Variants in ITPR2 observed in about 807,000 individuals in gnomAD.
ITPR2 encodes inositol 1,4,5-trisphosphate-gated calcium channel ITPR2.
In ITPR2, 207 loss-of-function variants were observed where a neutral mutation model predicts 317.1. The ratio of observed to expected loss-of-function variants is 0.65; its 90% CI spans 0.58 to 0.73. ITPR2 has a LOEUF of 0.73. Among genes scored for constraint, ITPR2 ranks in the 30% least tolerant of loss-of-function variants. The probability of loss-of-function intolerance (pLI) is 0.00; values close to 1 mark genes in which losing one functional copy is unlikely to be tolerated. For missense variants in ITPR2, 2,613 were observed against 3,284.0 expected (o/e 0.80, Z 4.99); for synonymous variants, 1,156 against 1,149.1 (o/e 1.01, Z -0.12).
intron 1 of ITPR2, among the ~76,000 whole-genome samples, chr12:26,800,206 C>G (rs1950531239): frequency 7.7e-6 from 1 of 130,340 alleles, no homozygotes; most frequent in South Asian, 2.7e-4. Context: ...CAGTTGTGAT[C>G]AAGAAAAAAC....
chr12:26,609,740 A>G (rs1260564496), intron 26 of ITPR2, among the ~76,000 whole-genome samples: 1 of 152,230 alleles, frequency 6.6e-6, no homozygotes, highest in Non-Finnish European at 1.5e-5. Context: ...AAATTCTCAT[A>G]GAAAAAGATA....
chr12:26,369,532 G>C (rs537024262), intron 55 of ITPR2, among the ~76,000 whole-genome samples: 1 of 152,318 alleles, frequency 6.6e-6, no homozygotes, highest in South Asian at 2.1e-4. Context: ...CTAACTTTCA[G>C]TTAAGATTTA....
chr12:26,627,047 T>G (rs1946637084), intron 23 of ITPR2, among the ~76,000 whole-genome samples: 2 of 152,264 alleles, frequency 1.3e-5, no homozygotes, highest in South Asian at 4.1e-4. Flanking sequence ...TCTTTTGTTA[T>G]GCTCCAGTGC....
chr12:26,628,423 A>G (rs1407620161), intron 22 of ITPR2, among the ~76,000 whole-genome samples: 1 of 152,242 alleles, frequency 6.6e-6, no homozygotes, highest in Non-Finnish European at 1.5e-5. Flanking sequence ...TATTCCAGCT[A>G]GAGGCATCGT....
rs943822355 is a variant in ITPR2 at position 26,657,791 on chromosome 12, T to A, written c.2108A>T (p.Glu703Val). The A allele has an allele frequency of 6.2e-7, 1 of 1,614,064 alleles. No individual in the cohort carries two copies. Among genetic ancestry groups the A allele is most frequent in the African/African-American group, 1.3e-5 (1 of 74,942 alleles). ...GTGCCTGATAGCTTTGCCATGAGGT[T>A]CCTTGTTGCTGTCAATCCAATAGAG... The part of the protein sequence containing the change: ...VWLYWIDSNK[E>V]PHGKAIRHLA... The change falls in exon 18 of 57, where the codon GAA (glutamate) becomes GTA (valine). Residue 703 changes from glutamate (E) to valine (V), a missense_variant. Physicochemically the swap from Glu to Val is moderately radical, Grantham distance 121 (BLOSUM62 -2). Around this residue, in one of 9 missense-constraint regions of ITPR2, gnomAD observed 817 missense variants for 897.6 expected, o/e 0.91. Coordinates refer to ENST00000381340, the MANE Select transcript of ITPR2 (RefSeq NM_002223.4).
intron 26 of ITPR2, among the ~76,000 whole-genome samples, chr12:26,615,322 C>A (rs1263784908): frequency 6.6e-6 from 1 of 151,896 alleles, no homozygotes; most frequent in African/African-American, 2.4e-5. Context: ...TTTGAAAAAA[C>A]TCAAATTTCA....
chr12:26,536,565 T>C (rs1052387826), intron 37 of ITPR2, among the ~76,000 whole-genome samples: 9 of 150,822 alleles, frequency 6.0e-5, no homozygotes, highest in African/African-American at 2.2e-4. Context: ...AAGGAGTAAA[T>C]GTCAGAGCAT....
At chr12:26,452,352 A>C (rs1206022852) in intron 45 of ITPR2, among the ~76,000 whole-genome samples, 2 of 144,690 alleles carry the variant, frequency 1.4e-5, no homozygotes, top group Non-Finnish European at 3.0e-5. Flanking sequence ...AGATACTCTT[A>C]ATAACAGTAC....
intron 39 of ITPR2, among the ~76,000 whole-genome samples, chr12:26,488,356 TG>T (rs35678170): frequency 6.6e-6 from 1 of 152,138 alleles, no homozygotes; most frequent in Non-Finnish European, 1.5e-5. Flanking sequence ...ACAGCCAGTT[TG>T]GGGGAGTTTG....
intron 52 of ITPR2, among the ~76,000 whole-genome samples, chr12:26,405,306 G>A (rs1012227319): frequency 3.9e-5 from 6 of 152,146 alleles, no homozygotes; most frequent in Admixed American, 1.3e-4. Context: ...CGTATAGTTA[G>A]GACTCAATAC....
chr12:26,826,792 C>T (rs1036182711), intron 1 of ITPR2, among the ~76,000 whole-genome samples: 20 of 152,090 alleles, frequency 1.3e-4, no homozygotes, highest in Admixed American at 6.6e-5. Flanking sequence ...TTTACGAACC[C>T]CTCAACCATG....
chr12:26,825,200 T>C (rs577257211), intron 1 of ITPR2, among the ~76,000 whole-genome samples: 1 of 152,252 alleles, frequency 6.6e-6, no homozygotes, highest in African/African-American at 2.4e-5. Flanking sequence ...GCCACTGCAC[T>C]CCAACCTGGA....
At chr12:26,687,954 G>A (rs1327078227) in intron 10 of ITPR2, among the ~76,000 whole-genome samples, 2 of 152,042 alleles carry the variant, frequency 1.3e-5, no homozygotes, top group Non-Finnish European at 2.9e-5. Flanking sequence ...ACTAGAAAAG[G>A]GCATACTTAG....
chr12:26,646,242 T>C lies in ITPR2; in HGVS notation c.2740+7734A>G, dbSNP rs559954715. On this transcript the variant is annotated intron_variant, in intron 21 of 56. Coordinates refer to ENST00000381340, the MANE Select transcript of ITPR2 (RefSeq NM_002223.4). Reference sequence around the variant, plus strand: ...AAAGATCATATTTAGACTAACCTCGTAGTTTTATAAAAGAAGAAATTATTT... The same window carrying C: ...AAAGATCATATTTAGACTAACCTCGCAGTTTTATAAAAGAAGAAATTATTT... Among the ~76,000 whole-genome samples, 17 of 152,288 alleles carry C rather than the reference T, an allele frequency of 1.1e-4. No homozygotes were observed. In the East Asian group the frequency reaches 2.5e-3, roughly 22 times the overall value.
chr12:26,768,061 T>C (rs1356548328), intron 2 of ITPR2, among the ~76,000 whole-genome samples: 1 of 152,226 alleles, frequency 6.6e-6, no homozygotes, highest in Admixed American at 6.5e-5. Flanking sequence ...TACCTAATCC[T>C]TGCCTATCTA....
intron 2 of ITPR2, among the ~76,000 whole-genome samples, chr12:26,728,741 G>A (rs568490921): frequency 6.6e-6 from 1 of 152,338 alleles, no homozygotes; most frequent in African/African-American, 2.4e-5. Flanking sequence ...TCACAGGGTT[G>A]CTGAGATGAG....
chr12:26,622,261 C>T lies in ITPR2; in HGVS notation c.3267G>A (p.Glu1089=). 6.2e-7 allele frequency: 1 copy of T among 1,613,016 alleles called. No individual in the cohort carries two copies. The highest frequency in any genetic ancestry group is 8.5e-7 in the Non-Finnish European group (1 of 1,179,556). ...TTACCTGCTTAAATGCCTGTAAAAC[C>T]TCTGCCCTCTGGCTGAAGTGCTTAA... The part of the protein sequence containing the change: ...LLFKHFSQRA[E]VLQAFKQVQL... Residue 1089 remains glutamate, a synonymous_variant, in exon 25 of 57, where the codon GAG becomes GAA. Coordinates refer to ENST00000381340, the MANE Select transcript of ITPR2 (RefSeq NM_002223.4).
chr12:26,784,481 C>T (rs1950172285), intron 2 of ITPR2, among the ~76,000 whole-genome samples: 2 of 151,020 alleles, frequency 1.3e-5, no homozygotes, highest in African/African-American at 4.9e-5. Flanking sequence ...CTGCCGGGTG[C>T]CTGCGCACGC....
At position 26,457,356 on chromosome 12, in the gene ITPR2, A is replaced by T. The variant is rs532179971; in HGVS notation, c.6343-13706T>A. 3.3e-5 allele frequency among the ~76,000 whole-genome samples: 5 copies of T among 152,288 alleles called. No homozygotes were observed. In the East Asian group the frequency reaches 9.6e-4, roughly 29 times the overall value. ...CTTGAGCAGAATAAGTAAAGACGAA[A>T]GTGGCCAGAGAGAGGGGAGATGGGG... On this transcript the variant is annotated intron_variant, in intron 45 of 56. Coordinates refer to ENST00000381340, the MANE Select transcript of ITPR2 (RefSeq NM_002223.4).
Sources: gnomAD v4.1 joint callset for allele counts (sites outside exome capture counted in the v4.1 genomes callset) on GRCh38, gnomAD v4.1.1 for gene constraint, gnomAD v4.1.1 regional missense constraint, MANE v1.5 for transcripts, NCBI Gene and HGNC (gene_info 2026-07-23, HGNC 2026-07-21) for gene names.